ACBD3: variants seen among roughly 807,000 people sequenced by gnomAD.
ACBD3 encodes the protein acyl-CoA binding domain containing 3.
A neutral mutation model predicts 66.9 loss-of-function variants in ACBD3; 30 were observed. The ratio of observed to expected loss-of-function variants is 0.45; its 90% CI spans 0.34 to 0.61. The LOEUF (loss-of-function observed/expected upper bound fraction) is 0.61, where lower values mean the gene tolerates loss of function less well. ACBD3 is among the 20% of genes least tolerant of loss of function. ACBD3 has a pLI of 0.02. For synonymous variants in ACBD3, 278 were observed against 259.8 expected (o/e 1.07, Z -0.68); for missense variants, 544 against 664.5 (o/e 0.82, Z 1.99).
chr1:226,169,988 T>G (rs1659960394), intron 1 of ACBD3, among the ~76,000 whole-genome samples: 1 of 117,030 alleles, frequency 8.5e-6, no homozygotes, highest in African/African-American at 3.4e-5. Flanking sequence ...ACCACTGCAC[T>G]CCAGCCTAAG....
intron 1 of ACBD3, among the ~76,000 whole-genome samples, chr1:226,175,803 T>G (rs190426519): frequency 6.6e-6 from 1 of 152,298 alleles, no homozygotes; most frequent in Admixed American, 6.5e-5. Context: ...AATGTTGTAG[T>G]CCAATTTCAC....
intron 1 of ACBD3, among the ~76,000 whole-genome samples, chr1:226,173,739 CTTCTTTTTTTTTCTT>C (rs1199450663): frequency 7.5e-6 from 1 of 133,222 alleles, no homozygotes; most frequent in Non-Finnish European, 1.6e-5. Flanking sequence ...GAATAATTTT[CTTCTTTTTTTTTCTT>C]TTCTTTTTTT....
chr1:226,177,744 A>C (rs183339972), intron 1 of ACBD3, among the ~76,000 whole-genome samples: 1 of 149,112 alleles, frequency 6.7e-6, no homozygotes, highest in Admixed American at 6.7e-5. Context: ...GTTTTGAGCC[A>C]CTATTTTTTT....
chr1:226,148,218 G>A (rs1659496115), intron 7 of ACBD3: 1 of 152,196 alleles, frequency 6.6e-6, no homozygotes, highest in African/African-American at 2.4e-5. Context: ...ATGAATCAAT[G>A]TATCAATATT....
chr1:226,170,151 C>CT (rs5781423), intron 1 of ACBD3, among the ~76,000 whole-genome samples: 133,938 of 136,766 alleles, frequency 0.98, 65,674 homozygotes, highest in African/African-American at 0.99. Flanking sequence ...TTTTCCTTTC[C>CT]TTTTTTTTTT....
At chr1:226,174,936 T>C (rs945403925) in intron 1 of ACBD3, among the ~76,000 whole-genome samples, 3 of 142,228 alleles carry the variant, frequency 2.1e-5, no homozygotes, top group Non-Finnish European at 3.1e-5. Context: ...CTACTAAAAA[T>C]AAAAAAAAAA....
At chr1:226,163,870 C>T (rs986295570) in intron 3 of ACBD3, among the ~76,000 whole-genome samples, 1 of 152,068 alleles carries the variant, frequency 6.6e-6, no homozygotes, top group African/African-American at 2.4e-5. Context: ...CCTGTAATCC[C>T]AGCACTTTGG....
At chr1:226,184,398 T>TA in intron 1 of ACBD3, among the ~76,000 whole-genome samples, 2 of 152,330 alleles carry the variant, frequency 1.3e-5, no homozygotes, top group East Asian at 3.9e-4. Context: ...GAACTTCATT[T>TA]AGGAAGTGAG....
In ACBD3 at chr1:226,186,387, C is replaced by A; in HGVS notation, c.286+3G>T. ...CGGCGGGGGTGGGGCTGGCCCGGCT[C>A]ACCTTTGAAGAAGCGCAGTGCCAGG... is the stretch of plus-strand genomic sequence containing the variant. On this transcript the variant is annotated splice_donor_region_variant and intron_variant, in intron 1 of 7. Transcript: ENST00000366812. The A allele has an allele frequency of 6.6e-7, 1 of 1,515,982 alleles. No individual in the cohort carries two copies. The highest frequency in any genetic ancestry group is 1.2e-5 in the South Asian group (1 of 81,874). The allele number at this position is 1,515,982 out of a possible 1,614,324, so 93.9% of individuals were successfully genotyped here.
intron 1 of ACBD3, among the ~76,000 whole-genome samples, chr1:226,170,086 T>C (rs1038361111): frequency 6.7e-6 from 1 of 148,686 alleles, no homozygotes; most frequent in South Asian, 2.1e-4. Flanking sequence ...AAAGAACATA[T>C]GCTGCCAATG....
intron 1 of ACBD3, among the ~76,000 whole-genome samples, chr1:226,168,196 A>T (rs1659910175): frequency 6.6e-6 from 1 of 152,230 alleles, no homozygotes; most frequent in African/African-American, 2.4e-5. Flanking sequence ...AACAATATAC[A>T]ACAACAAGTT....
intron 1 of ACBD3, among the ~76,000 whole-genome samples, chr1:226,169,856 T>C (rs1379150626): frequency 5.9e-5 from 9 of 151,552 alleles, no homozygotes; most frequent in Non-Finnish European, 1.0e-4. Flanking sequence ...ACCCTCTCTC[T>C]ACTAAAAATA....
intron 1 of ACBD3, among the ~76,000 whole-genome samples, chr1:226,174,701 C>T (rs1389036933): frequency 2.6e-5 from 4 of 151,786 alleles, no homozygotes; most frequent in Non-Finnish European, 2.9e-5. Flanking sequence ...GGGAGGCAGA[C>T]GTTGCAGTGA....
At chr1:226,167,825 G>T (rs953649726) in intron 1 of ACBD3, among the ~76,000 whole-genome samples, 1 of 152,056 alleles carries the variant, frequency 6.6e-6, no homozygotes, top group African/African-American at 2.4e-5. Context: ...CATCCAAAAA[G>T]ATATTCAACC....
At chr1:226,173,949 G>T (rs1655945085) in intron 1 of ACBD3, among the ~76,000 whole-genome samples, 1 of 151,500 alleles carries the variant, frequency 6.6e-6, no homozygotes, top group Non-Finnish European at 1.5e-5. Flanking sequence ...TTTTAGTACA[G>T]AAGGGGTTTC....
chr1:226,163,667 T>C (rs1365590336), intron 3 of ACBD3, among the ~76,000 whole-genome samples: 1 of 152,228 alleles, frequency 6.6e-6, no homozygotes, highest in Non-Finnish European at 1.5e-5. Flanking sequence ...TGGAGAAGTT[T>C]ACCTTCATAT....
At chr1:226,150,059 T>A (rs566484004) in intron 7 of ACBD3, among the ~76,000 whole-genome samples, 163 of 150,142 alleles carry the variant, frequency 1.1e-3, no homozygotes, top group African/African-American at 3.6e-3. Context: ...TTTTTAATTT[T>A]TTTTTTTTTT....
chr1:226,149,233 T>A (rs1358493733), intron 7 of ACBD3, among the ~76,000 whole-genome samples: 1 of 151,952 alleles, frequency 6.6e-6, no homozygotes, highest in Non-Finnish European at 1.5e-5. Flanking sequence ...TCTTTCATTT[T>A]TTTTTTTTTT....
chr1:226,155,250 T>C (rs755247810), intron 5 of ACBD3, among the ~76,000 whole-genome samples: 2 of 151,976 alleles, frequency 1.3e-5, no homozygotes, highest in Admixed American at 6.6e-5. Flanking sequence ...AAACCCCGTC[T>C]CTACTAAAAA....
Sources: allele counts gnomAD v4.1 joint callset (sites outside exome capture counted in the v4.1 genomes callset), GRCh38; gene constraint gnomAD v4.1.1; transcripts MANE v1.5; gene names NCBI Gene and HGNC (gene_info 2026-07-23, HGNC 2026-07-21).